Variants in SPOCK3 observed in about 807,000 individuals in gnomAD.
SPOCK3 encodes the protein SPARC (osteonectin), cwcv and kazal like domains proteoglycan 3.
Under a neutral mutation model 56.6 loss-of-function variants are expected in SPOCK3, and 30 were observed. That is an observed-to-expected ratio of 0.53 (90% CI 0.40 to 0.72). The LOEUF (loss-of-function observed/expected upper bound fraction) is 0.72. Ranked by LOEUF, SPOCK3 falls within the 30% of genes least tolerant of loss-of-function variation. The pLI is 0.00. For missense variants in SPOCK3, 527 were observed against 530.0 expected (o/e 0.99, Z 0.06); for synonymous variants, 196 against 183.3 (o/e 1.07, Z -0.56).
chr4:167,185,957 A>G (rs1395966238), intron 2 of SPOCK3, among the ~76,000 whole-genome samples: 1 of 152,246 alleles, frequency 6.6e-6, no homozygotes, highest in Admixed American at 6.5e-5. Flanking sequence ...CAAACTGCAT[A>G]TGTACCCTCA....
chr4:166,831,427 G>T (rs1160922389), intron 6 of SPOCK3, among the ~76,000 whole-genome samples: 2 of 152,022 alleles, frequency 1.3e-5, no homozygotes, highest in Non-Finnish European at 2.9e-5. Context: ...TTCTTTGTGG[G>T]ACAGTTTTTA....
chr4:166,829,898 G>A (rs1745859255), intron 6 of SPOCK3, among the ~76,000 whole-genome samples: 1 of 152,000 alleles, frequency 6.6e-6, no homozygotes, highest in Non-Finnish European at 1.5e-5. Context: ...TAAGGAAAAA[G>A]CTTCCTCCTT....
At chr4:167,127,221 T>C (rs1203123914) in intron 2 of SPOCK3, among the ~76,000 whole-genome samples, 1 of 152,160 alleles carries the variant, frequency 6.6e-6, no homozygotes, top group Non-Finnish European at 1.5e-5. Flanking sequence ...TTTTGCCTCA[T>C]ATGTGTCAAC....
chr4:167,131,412 C>T (rs1294317774), intron 2 of SPOCK3, among the ~76,000 whole-genome samples: 1 of 151,986 alleles, frequency 6.6e-6, no homozygotes, highest in Admixed American at 6.6e-5. Flanking sequence ...CATGGTGAAA[C>T]CCCATCTCTA....
In SPOCK3 at chr4:166,764,817, G is replaced by A. The variant is rs189713054; in HGVS notation, c.710-10088C>T. Among the ~76,000 whole-genome samples the A allele has an allele frequency of 2.4e-4, 36 of 150,728 alleles. 1 individual carries two copies. In the East Asian group the frequency reaches 6.9e-3, roughly 29 times the overall value. ...TTACAGTCCCAGCAACAGTGTAAAT[G>A]TGTTCCTATTTCTCCACATCCTCTC... On this transcript the variant is annotated intron_variant, in intron 7 of 10. Transcript: ENST00000357545.
chr4:166,911,481 A>G (rs191121276), intron 5 of SPOCK3, among the ~76,000 whole-genome samples: 4 of 152,174 alleles, frequency 2.6e-5, no homozygotes, highest in African/African-American at 7.2e-5. Context: ...TTTAATGTAT[A>G]CTCTTTAATA....
chr4:167,028,409 G>T (rs189651029), intron 3 of SPOCK3, among the ~76,000 whole-genome samples: 1,898 of 143,022 alleles, frequency 0.013, 28 homozygotes, highest in Non-Finnish European at 0.016. Flanking sequence ...AACAACAAAA[G>T]AATAATCCTG....
intron 2 of SPOCK3, among the ~76,000 whole-genome samples, chr4:167,125,214 TATTTA>T (rs1762170113): frequency 6.8e-6 from 1 of 148,138 alleles, no homozygotes; most frequent in Non-Finnish European, 1.5e-5. Context: ...TTTATTTATT[TATTTA>T]TTTATTTATT....
At chr4:167,132,836 CTT>C (rs1320968852) in intron 2 of SPOCK3, among the ~76,000 whole-genome samples, 1 of 152,122 alleles carries the variant, frequency 6.6e-6, no homozygotes, top group Non-Finnish European at 1.5e-5. Context: ...CTGTGTGTCT[CTT>C]ATATATACAC....
intron 4 of SPOCK3, among the ~76,000 whole-genome samples, chr4:166,931,956 T>C (rs1739838437): frequency 6.6e-6 from 1 of 152,190 alleles, no homozygotes; most frequent in African/African-American, 2.4e-5. Context: ...TTCTCCTGTG[T>C]CCTACTTTCT....
At chr4:167,019,045 C>T (rs1002099242) in intron 3 of SPOCK3, among the ~76,000 whole-genome samples, 1 of 151,970 alleles carries the variant, frequency 6.6e-6, no homozygotes, top group African/African-American at 2.4e-5. Flanking sequence ...TTTCCCTTTC[C>T]CAAGAGGCAG....
At chr4:166,785,015 T>C (rs1740584353) in intron 7 of SPOCK3, among the ~76,000 whole-genome samples, 1 of 152,108 alleles carries the variant, frequency 6.6e-6, no homozygotes, top group Non-Finnish European at 1.5e-5. Flanking sequence ...ATGCAATTTT[T>C]GGAGATTTAA....
chr4:167,172,529 T>C (rs1310082583), intron 2 of SPOCK3, among the ~76,000 whole-genome samples: 3 of 152,168 alleles, frequency 2.0e-5, no homozygotes, highest in Non-Finnish European at 2.9e-5. Flanking sequence ...TAGTTCACAT[T>C]AGTATATATA....
intron 4 of SPOCK3, among the ~76,000 whole-genome samples, chr4:166,912,984 A>G (rs771494879): frequency 2.6e-5 from 4 of 152,188 alleles, no homozygotes; most frequent in East Asian, 3.9e-4. Context: ...TGCTAGTCAC[A>G]TATAAATGAT....
At chr4:166,877,643 G>A (rs139400185) in intron 6 of SPOCK3, among the ~76,000 whole-genome samples, 2 of 152,244 alleles carry the variant, frequency 1.3e-5, no homozygotes, top group Non-Finnish European at 2.9e-5. Flanking sequence ...ACACTATAAT[G>A]TAAAAGTTCT....
chr4:167,143,236 A>G (rs889688611), intron 2 of SPOCK3, among the ~76,000 whole-genome samples: 9 of 151,944 alleles, frequency 5.9e-5, no homozygotes, highest in Non-Finnish European at 1.3e-4. Flanking sequence ...CCACATTCCT[A>G]CTGAATCATA....
rs187270645 is a variant in SPOCK3 at position 166,918,470 on chromosome 4, G to A, written c.351-5727C>T. 2.7e-4 allele frequency: 41 copies of A among 151,968 alleles called. 1 individual carries two copies. The highest frequency in any genetic ancestry group is 7.5e-4 in the African/African-American group (31 of 41,470). 9.4% of individuals were successfully genotyped at this position (151,968 alleles called of 1,614,324 possible). ...AGAAGAGGTCAGATAGGTTCAGGGT[G>A]GTATAGAATTAGGCTGTAGACTAAA... On this transcript the variant is annotated intron_variant, in intron 4 of 10. Coordinates refer to ENST00000357545, the MANE Select transcript of SPOCK3 (RefSeq NM_001040159.2).
intron 3 of SPOCK3, among the ~76,000 whole-genome samples, chr4:167,025,639 C>G (rs1561133447): frequency 6.6e-6 from 1 of 152,008 alleles, no homozygotes; most frequent in Non-Finnish European, 1.5e-5. Flanking sequence ...GAACTTCAGA[C>G]CAAGAGTGTG....
chr4:166,914,294 CTCT>C (rs1166333222), intron 4 of SPOCK3, among the ~76,000 whole-genome samples: 2 of 151,976 alleles, frequency 1.3e-5, no homozygotes, highest in African/African-American at 4.8e-5. Flanking sequence ...ATCTCCATAT[CTCT>C]TCTTTACTTC....
Sources: gnomAD v4.1 joint callset for allele counts (sites outside exome capture counted in the v4.1 genomes callset) on GRCh38, gnomAD v4.1.1 for gene constraint, MANE v1.5 for transcripts, NCBI Gene and HGNC (gene_info 2026-07-23, HGNC 2026-07-21) for gene names.